The following CFAP69 variants were observed in gnomAD, a reference collection of about 807,000 sequenced individuals.
The protein encoded by CFAP69 is cilia- and flagella-associated protein 69.
CFAP69 carries 92 observed loss-of-function variants against 123.0 expected under a neutral mutation model. The ratio of observed to expected loss-of-function variants is 0.75; its 90% CI spans 0.63 to 0.89. The LOEUF (loss-of-function observed/expected upper bound fraction) is 0.89, where lower values mean the gene tolerates loss of function less well. Ranked by LOEUF, CFAP69 falls within the 40% of genes least tolerant of loss-of-function variation. The pLI, the probability that CFAP69 is intolerant of heterozygous loss-of-function variation, is 0.00. For synonymous variants in CFAP69, 380 were observed against 364.3 expected, an observed-to-expected ratio of 1.04 and a Z score of -0.49; for missense variants, 1,067 against 1,096.9, an observed-to-expected ratio of 0.97 and a Z score of 0.39.
Position 90,310,249 on chromosome 7 carries a change from A to T in CFAP69, c.*11A>T. 1 of 1,573,276 alleles carries T rather than the reference A, an allele frequency of 6.4e-7. No homozygotes were observed. The highest frequency in any genetic ancestry group is 8.6e-7 in the Non-Finnish European group (1 of 1,157,712). On this transcript the variant is annotated 3_prime_UTR_variant, in exon 23 of 23. Transcript: ENST00000389297. ...AGTATTCCTACGTAATATACTATAG[A>T]GACTTTTTGAAATAAAGTCAGCTTA... is the stretch of plus-strand genomic sequence containing the variant.
intron 20 of CFAP69, among the ~76,000 whole-genome samples, chr7:90,307,516 G>T (rs1793776047): frequency 6.6e-6 from 1 of 151,978 alleles, no homozygotes; most frequent in Non-Finnish European, 1.5e-5. Flanking sequence ...TTATTTTGTG[G>T]TTTTCTCTTA....
intron 15 of CFAP69, among the ~76,000 whole-genome samples, chr7:90,294,553 G>C (rs993833428): frequency 6.6e-6 from 1 of 152,174 alleles, no homozygotes; most frequent in East Asian, 1.9e-4. Context: ...CCGCCATTGT[G>C]AAAAGAGAAA....
At chr7:90,254,252 T>C (rs1797376075) in intron 1 of CFAP69, among the ~76,000 whole-genome samples, 1 of 152,142 alleles carries the variant, frequency 6.6e-6, no homozygotes, top group Non-Finnish European at 1.5e-5. Flanking sequence ...TTGCAGTATA[T>C]TTTGAAGTCA....
rs1316284256 is a variant in CFAP69 at position 90,268,404 on chromosome 7, T to C, written c.532+20T>C. The C allele has an allele frequency of 6.6e-7, 1 of 1,513,288 alleles. No individual in the cohort carries two copies. The highest frequency in any genetic ancestry group is 1.4e-5 in the African/African-American group (1 of 72,744). 93.7% of individuals were successfully genotyped at this position (1,513,288 alleles called of 1,614,324 possible). Reference sequence around the variant, plus strand: ...TTCCAGGTGAAGTTTACAATGGTCTTTCAGTGATAACTTGTGTATGTAGAA... The same window carrying C: ...TTCCAGGTGAAGTTTACAATGGTCTCTCAGTGATAACTTGTGTATGTAGAA... On this transcript the variant is annotated intron_variant, in intron 6 of 22. Coordinates refer to ENST00000389297, the MANE Select transcript of CFAP69 (RefSeq NM_001039706.3).
intron 11 of CFAP69, among the ~76,000 whole-genome samples, chr7:90,278,769 T>C (rs1788992854): frequency 6.6e-6 from 1 of 152,150 alleles, no homozygotes; most frequent in Admixed American, 6.5e-5. Flanking sequence ...ATGTACACTA[T>C]CATTTGCAAT....
intron 12 of CFAP69, among the ~76,000 whole-genome samples, chr7:90,282,443 A>G (rs911394987): frequency 6.6e-6 from 1 of 152,204 alleles, no homozygotes; most frequent in African/African-American, 2.4e-5. Flanking sequence ...ATGTGGATGT[A>G]TCCTGTATTA....
intron 9 of CFAP69, among the ~76,000 whole-genome samples, chr7:90,275,106 C>CTGT (rs1259457177): frequency 6.6e-6 from 1 of 152,236 alleles, no homozygotes; most frequent in South Asian, 2.1e-4. Flanking sequence ...CTCCATTCTG[C>CTGT]TGTTAATCTC....
At chr7:90,257,162 A>G (rs1462921081) in intron 2 of CFAP69, among the ~76,000 whole-genome samples, 1 of 152,206 alleles carries the variant, frequency 6.6e-6, no homozygotes, top group East Asian at 1.9e-4. Flanking sequence ...TGATATGTAT[A>G]TATGGTACCC....
downstream of CFAP69, among the ~76,000 whole-genome samples, chr7:90,314,320 T>C (rs1236604318): frequency 3.3e-5 from 5 of 152,232 alleles, no homozygotes; most frequent in East Asian, 7.7e-4. Flanking sequence ...TGTTAAGATA[T>C]TAACAATAAG....
rs369845589 is a variant in CFAP69 at position 90,281,717 on chromosome 7, A to G, written c.1373-1175A>G. Among the ~76,000 whole-genome samples the G allele has an allele frequency of 7.9e-5, 12 of 152,328 alleles. No individual in the cohort carries two copies. In the East Asian group the frequency reaches 1.5e-3, roughly 20 times the overall value. On this transcript the variant is annotated intron_variant, in intron 12 of 22. Transcript: ENST00000389297. ...TATCAGTGTAGGAAAGGTTTCTTTAAAAAGACTCATGAGTTAAAGGTATAA... is the reference window on the plus strand; with the variant it reads ...TATCAGTGTAGGAAAGGTTTCTTTAGAAAGACTCATGAGTTAAAGGTATAA...
At chr7:90,278,827 T>C (rs1181439873) in intron 11 of CFAP69, among the ~76,000 whole-genome samples, 1 of 152,168 alleles carries the variant, frequency 6.6e-6, no homozygotes, top group Non-Finnish European at 1.5e-5. Context: ...CTAGCAAGAA[T>C]GTTAGAACTA....
In CFAP69 at chr7:90,245,438, A is replaced by C; in HGVS notation, c.14A>C (p.Glu5Ala). Residue 5 changes from glutamate (E) to alanine (A), a missense_variant, in exon 1 of 23, where the codon GAA (glutamate) becomes GCA (alanine). Transcript: ENST00000389297. MWTE[E>A]AGATAEAQES... ...CCGCCACCGGCCATGTGGACAGAGGAAGCCGGGGCGACCGCCGAGGCCCAG... is the reference window on the plus strand; with the variant it reads ...CCGCCACCGGCCATGTGGACAGAGGCAGCCGGGGCGACCGCCGAGGCCCAG... 6.4e-7 allele frequency: 1 copy of C among 1,560,848 alleles called. No individual in the cohort carries two copies. The highest frequency in any genetic ancestry group is 8.7e-7 in the Non-Finnish European group (1 of 1,155,300).
At chr7:90,292,670 C>T (rs1031836221) in intron 15 of CFAP69, among the ~76,000 whole-genome samples, 2 of 152,138 alleles carry the variant, frequency 1.3e-5, no homozygotes. Flanking sequence ...TTGTTAAAAG[C>T]TGTAAATAGC....
At chr7:90,256,353 G>A (rs1303144494) in intron 2 of CFAP69, among the ~76,000 whole-genome samples, 1 of 152,028 alleles carries the variant, frequency 6.6e-6, no homozygotes, top group African/African-American at 2.4e-5. Context: ...ACAGGGAGGG[G>A]AACGTCACAT....
At chr7:90,309,032 C>T (rs1793999401) in intron 21 of CFAP69, among the ~76,000 whole-genome samples, 1 of 152,122 alleles carries the variant, frequency 6.6e-6, no homozygotes, top group Non-Finnish European at 1.5e-5. Context: ...TGGACTACTT[C>T]CAGAAATCTC....
At chr7:90,300,257 G>T in intron 17 of CFAP69, 198 bp downstream of exon 17, 3 of 1,031,632 alleles carry the variant, frequency 2.9e-6, no homozygotes, top group Admixed American at 4.8e-5. Flanking sequence ...CATATTTTTA[G>T]AGAATATTTT....
At chr7:90,296,050 T>G (rs1791907760) in intron 15 of CFAP69, among the ~76,000 whole-genome samples, 1 of 152,190 alleles carries the variant, frequency 6.6e-6, no homozygotes, top group African/African-American at 2.4e-5. Context: ...GTCTCATCCG[T>G]TGACTTCGAG....
intron 1 of CFAP69, among the ~76,000 whole-genome samples, chr7:90,252,668 T>C (rs1397934233): frequency 6.6e-6 from 1 of 152,204 alleles, no homozygotes; most frequent in Non-Finnish European, 1.5e-5. Context: ...TAAGACTCTA[T>C]GTCAAAAATA....
chr7:90,276,904 A>G (rs987848729), intron 9 of CFAP69, among the ~76,000 whole-genome samples, 169 bp from the exon 10 acceptor site: 2 of 152,132 alleles, frequency 1.3e-5, no homozygotes, highest in Admixed American at 1.3e-4. Flanking sequence ...ATCTGGCTAT[A>G]TGTTTTTATT....
Sources: allele counts gnomAD v4.1 joint callset (sites outside exome capture counted in the v4.1 genomes callset), GRCh38; gene constraint gnomAD v4.1.1; transcripts MANE v1.5; gene names NCBI Gene and HGNC (gene_info 2026-07-23, HGNC 2026-07-21).